BAZ1A: variants seen among roughly 807,000 people sequenced by gnomAD.
BAZ1A encodes the protein bromodomain adjacent to zinc finger domain 1A.
BAZ1A carries 50 observed loss-of-function variants against 185.2 expected under a neutral mutation model. That is an observed-to-expected ratio of 0.27 (90% CI 0.22 to 0.34). The LOEUF (loss-of-function observed/expected upper bound fraction) is 0.34. BAZ1A is among the 10% of genes least tolerant of loss of function. The probability of loss-of-function intolerance (pLI) is 1.00; values close to 1 mark genes in which losing one functional copy is unlikely to be tolerated. For missense variants in BAZ1A, 1,356 were observed against 1,839.9 expected, an observed-to-expected ratio of 0.74 and a Z score of 4.81; for synonymous variants, 571 against 615.6, an observed-to-expected ratio of 0.93 and a Z score of 1.07.
chr14:34,754,644 C>T (rs1594801305), intron 26 of BAZ1A, among the ~76,000 whole-genome samples, 183 bp downstream of exon 26: 1 of 152,050 alleles, frequency 6.6e-6, no homozygotes, highest in African/African-American at 2.4e-5. Context: ...ATCTTTCATC[C>T]CCACATACAC....
chr14:34,839,442 G>C (rs972565270), intron 3 of BAZ1A, among the ~76,000 whole-genome samples: 5 of 151,902 alleles, frequency 3.3e-5, no homozygotes, highest in African/African-American at 1.2e-4. Flanking sequence ...AGGAGGCTGA[G>C]GCGAGAGGAT....
intron 3 of BAZ1A, among the ~76,000 whole-genome samples, chr14:34,848,778 A>T (rs2042554544): frequency 6.6e-6 from 1 of 152,178 alleles, no homozygotes; most frequent in African/African-American, 2.4e-5. Flanking sequence ...GGGGAAACCT[A>T]GCTATAAATG....
At chr14:34,803,879 A>T (rs1427971445) in intron 6 of BAZ1A, among the ~76,000 whole-genome samples, 1 of 152,262 alleles carries the variant, frequency 6.6e-6, no homozygotes, top group African/African-American at 2.4e-5. Flanking sequence ...AAAGAATTTA[A>T]GTTCAGAAGT....
chr14:34,806,747 T>C lies in BAZ1A; in HGVS notation c.726+704A>G, dbSNP rs150400296. ...CATGATACTTTTTATTTTTATTTAT[T>C]ATTATTATTATATTATTTTGAGACA... On this transcript the variant is annotated intron_variant, in intron 6 of 26. Coordinates refer to ENST00000360310, the MANE Select transcript of BAZ1A (RefSeq NM_013448.3). 2.2e-4 allele frequency among the ~76,000 whole-genome samples: 33 copies of C among 151,938 alleles called. 1 individual carries two copies. Among genetic ancestry groups the C allele is most frequent in the African/African-American group, 7.2e-4 (30 of 41,494 alleles).
chr14:34,875,320 G>A lies in BAZ1A; in HGVS notation c.-241C>T, dbSNP rs1451368405. The A allele has an allele frequency of 2.2e-6, 1 of 455,978 alleles. No homozygotes were observed. The highest frequency in any genetic ancestry group is 4.4e-6 in the Non-Finnish European group (1 of 226,756). 28.2% of individuals were successfully genotyped at this position (455,978 alleles called of 1,614,324 possible). A position where few individuals can be genotyped will look rare whatever the true frequency, so the allele number is the denominator to read the frequency against. ...TCCCACCGCCACTTCCCCGCCTCTC[G>A]GAGCTCCTGGGAAGTTTCTGATCTA... On this transcript the variant is annotated 5_prime_UTR_variant, in exon 1 of 27. Transcript: ENST00000360310.
chr14:34,832,215 CATATAT>C (rs796421959), intron 3 of BAZ1A, among the ~76,000 whole-genome samples: 3 of 89,664 alleles, frequency 3.3e-5, no homozygotes, highest in South Asian at 9.8e-4. Context: ...CACACACACA[CATATAT>C]ATATATATAT....
At chr14:34,765,358 A>C in intron 21 of BAZ1A, 90 bp from the exon 22 acceptor site, 4 of 1,449,458 alleles carry the variant, frequency 2.8e-6, no homozygotes, top group Non-Finnish European at 3.7e-6. Flanking sequence ...AATATAGGTT[A>C]GATTTTACAT....
intron 14 of BAZ1A, 46 bp downstream of exon 14, chr14:34,785,731 G>T: frequency 6.5e-7 from 1 of 1,542,470 alleles, no homozygotes; most frequent in South Asian, 1.1e-5. Flanking sequence ...GGGCATAAGA[G>T]GGAGGAAGTG....
chr14:34,869,112 C>G (rs983382797), intron 2 of BAZ1A, among the ~76,000 whole-genome samples: 1 of 151,234 alleles, frequency 6.6e-6, no homozygotes, highest in East Asian at 2.0e-4. Flanking sequence ...GAGGCTGAGG[C>G]AGGAGAATGG....
At chr14:34,819,156 A>C (rs1314022316) in intron 4 of BAZ1A, among the ~76,000 whole-genome samples, 1 of 151,438 alleles carries the variant, frequency 6.6e-6, no homozygotes, top group Non-Finnish European at 1.5e-5. Flanking sequence ...AAAAAAAAAA[A>C]AAAAAAAAAA....
At chr14:34,757,062 T>A (rs1886281523) in intron 25 of BAZ1A, among the ~76,000 whole-genome samples, 1 of 152,146 alleles carries the variant, frequency 6.6e-6, no homozygotes. Flanking sequence ...ACACCATCAT[T>A]ATTTATAAAG....
At chr14:34,858,437 A>G (rs1434783995) in intron 3 of BAZ1A, among the ~76,000 whole-genome samples, 1 of 152,132 alleles carries the variant, frequency 6.6e-6, no homozygotes, top group African/African-American at 2.4e-5. Flanking sequence ...TCCCTTGTCA[A>G]TAGTGCTCAC....
chr14:34,870,466 GA>G (rs986086864), intron 2 of BAZ1A, among the ~76,000 whole-genome samples: 1 of 152,148 alleles, frequency 6.6e-6, no homozygotes, highest in African/African-American at 2.4e-5. Context: ...ATTAGTATAG[GA>G]ATTGGTCAGT....
In BAZ1A at chr14:34,818,122, T is replaced by C. The variant is rs562047645; in HGVS notation, c.537-7086A>G. Reference sequence around the variant, plus strand: ...TCAATAGATGAATGGATAAACAAAATGTGATATACACATACAATGGATTAT... The same window carrying C: ...TCAATAGATGAATGGATAAACAAAACGTGATATACACATACAATGGATTAT... On this transcript the variant is annotated intron_variant, in intron 4 of 26. Transcript: ENST00000360310. Among the ~76,000 whole-genome samples, 13 of 152,248 alleles carry C rather than the reference T, an allele frequency of 8.5e-5. No individual in the cohort carries two copies. The South Asian group carries it at 2.7e-3, about 32-fold the overall frequency.
chr14:34,787,944 A>T (rs901315601), intron 12 of BAZ1A, among the ~76,000 whole-genome samples: 1 of 152,174 alleles, frequency 6.6e-6, no homozygotes, highest in Non-Finnish European at 1.5e-5. Flanking sequence ...GAGTCAGATA[A>T]TGTATATTCT....
At chr14:34,860,323 C>A (rs1314226315) in intron 3 of BAZ1A, among the ~76,000 whole-genome samples, 2 of 151,122 alleles carry the variant, frequency 1.3e-5, no homozygotes, top group Non-Finnish European at 2.9e-5. Context: ...GCTGGGGCAA[C>A]ATGGTGAAAC....
At position 34,761,865 on chromosome 14, in the gene BAZ1A, C is replaced by T; in HGVS notation, c.4135G>A (p.Val1379Ile). 1 of 1,614,190 alleles carries T rather than the reference C, an allele frequency of 6.2e-7. No individual in the cohort carries two copies. Among genetic ancestry groups the T allele is most frequent in the Middle Eastern group, 1.6e-4 (1 of 6,062 alleles). The stretch of plus-strand genomic sequence containing the variant: ...TGTTCACTTGACTTTGTGGCAATGA[C>T]TCTGAAGTTAGGGAAGTTGGGACTA... ...ENSPNFPNFR[V>I]IATKSSEQSR... The change falls in exon 24 of 27, where the codon GTC becomes ATC. Residue 1379 changes from valine to isoleucine, a missense_variant. This residue lies in a region of BAZ1A where 309 missense variants were observed against 355.3 expected (regional missense o/e 0.87). Coordinates refer to ENST00000360310, the MANE Select transcript of BAZ1A (RefSeq NM_013448.3).
At chr14:34,857,278 T>C (rs2042698438) in intron 3 of BAZ1A, among the ~76,000 whole-genome samples, 3 of 152,038 alleles carry the variant, frequency 2.0e-5, no homozygotes, top group Admixed American at 6.6e-5. Context: ...AGTGCTGGGA[T>C]TACAGGCTTG....
At chr14:34,822,746 T>C (rs2042106757) in intron 4 of BAZ1A, among the ~76,000 whole-genome samples, 1 of 152,198 alleles carries the variant, frequency 6.6e-6, no homozygotes, top group Non-Finnish European at 1.5e-5. Context: ...GACTGATTGC[T>C]CCTATGGGCA....
Sources: gnomAD v4.1 joint callset for allele counts (sites outside exome capture counted in the v4.1 genomes callset) on GRCh38, gnomAD v4.1.1 for gene constraint, gnomAD v4.1.1 regional missense constraint, MANE v1.5 for transcripts, NCBI Gene and HGNC (gene_info 2026-07-23, HGNC 2026-07-21) for gene names.